The following LRPPRC variants were observed in gnomAD, a reference collection of about 807,000 sequenced individuals.
LRPPRC encodes leucine rich pentatricopeptide repeat containing, also known as leucine-rich PPR motif-containing protein, mitochondrial.
Under a neutral mutation model 180.3 loss-of-function variants are expected in LRPPRC, and 120 were observed. The ratio of observed to expected loss-of-function variants is 0.67; its 90% CI spans 0.57 to 0.77. The LOEUF (loss-of-function observed/expected upper bound fraction) is 0.77, where lower values mean the gene tolerates loss of function less well. Among genes scored for constraint, LRPPRC ranks in the 30% least tolerant of loss-of-function variants. The probability of loss-of-function intolerance (pLI) is 0.00; values close to 1 mark genes in which losing one functional copy is unlikely to be tolerated. For missense variants in LRPPRC, 2,012 were observed against 1,657.2 expected (o/e 1.21, Z -3.72); for synonymous variants, 723 against 600.0 (o/e 1.21, Z -3.00).
intron 3 of LRPPRC, among the ~76,000 whole-genome samples, chr2:43,978,587 A>G (rs916736277): frequency 1.3e-5 from 2 of 152,032 alleles, no homozygotes; most frequent in African/African-American, 2.4e-5. Context: ...TAGAGATTCA[A>G]TATTTTAGCT....
At chr2:43,955,603 G>T (rs577459576) in intron 14 of LRPPRC, among the ~76,000 whole-genome samples, 2 of 152,192 alleles carry the variant, frequency 1.3e-5, no homozygotes, top group South Asian at 2.1e-4. Flanking sequence ...AGCCAGCCAT[G>T]GTGGCATGCG....
In LRPPRC at chr2:43,973,663, C is replaced by T; in HGVS notation, c.1313G>A (p.Arg438Lys). ...KAVKEEGFPI[R>K]PHYFWPLLVG... ...TAGCAATGGCCAGAAATAGTGAGGTCTGATAGGAAAACCTTCCTCCTTCAC... is the reference window on the plus strand; with the variant it reads ...TAGCAATGGCCAGAAATAGTGAGGTTTGATAGGAAAACCTTCCTCCTTCAC... Residue 438 changes from arginine (R) to lysine (K), a missense_variant, in exon 11 of 38, where the codon AGA (arginine) becomes AAA (lysine). Arg to Lys is a conservative substitution (Grantham distance 26). Coordinates refer to ENST00000260665, the MANE Select transcript of LRPPRC (RefSeq NM_133259.4). The T allele has an allele frequency of 6.2e-7, 1 of 1,614,044 alleles. No homozygotes were observed. Among genetic ancestry groups the T allele is most frequent in the South Asian group, 1.1e-5 (1 of 91,074 alleles).
intron 1 of LRPPRC, among the ~76,000 whole-genome samples, chr2:43,988,791 C>A (rs1333550499): frequency 6.6e-6 from 1 of 152,098 alleles, no homozygotes; most frequent in Non-Finnish European, 1.5e-5. Flanking sequence ...GATCCGCCCG[C>A]CTGAGCCTCC....
At chr2:43,938,852 C>A (rs1241334097) in intron 23 of LRPPRC, among the ~76,000 whole-genome samples, 1 of 152,056 alleles carries the variant, frequency 6.6e-6, no homozygotes, top group Non-Finnish European at 1.5e-5. Context: ...AAATGTATTT[C>A]ATACAATCTG....
At chr2:43,972,560 T>TTATA (rs1441626593) in intron 11 of LRPPRC, among the ~76,000 whole-genome samples, 3 of 152,152 alleles carry the variant, frequency 2.0e-5, no homozygotes, top group Non-Finnish European at 4.4e-5. Context: ...AAACACTGGG[T>TTATA]TATAGGTTAC....
At chr2:43,890,709 A>G (rs1476161701) in intron 36 of LRPPRC, among the ~76,000 whole-genome samples, 1 of 152,216 alleles carries the variant, frequency 6.6e-6, no homozygotes, top group Non-Finnish European at 1.5e-5. Flanking sequence ...GCGAGACACC[A>G]TCTCAAAAAA....
intron 17 of LRPPRC, 36 bp from the exon 18 acceptor site, chr2:43,948,235 G>C: frequency 8.5e-7 from 1 of 1,180,250 alleles, no homozygotes. Flanking sequence ...AAAAACCTGA[G>C]TTTTAGACAA....
chr2:43,941,156 C>CTTTT (rs911559001), intron 23 of LRPPRC, among the ~76,000 whole-genome samples: 1 of 152,046 alleles, frequency 6.6e-6, no homozygotes, highest in Admixed American at 6.6e-5. Flanking sequence ...ACCCATAAAG[C>CTTTT]TTTTTTACAT....
chr2:43,908,778 C>G (rs1366168358), intron 30 of LRPPRC, among the ~76,000 whole-genome samples: 1 of 152,202 alleles, frequency 6.6e-6, no homozygotes, highest in Non-Finnish European at 1.5e-5. Flanking sequence ...CCACCTGCCT[C>G]TGTCTCCCAA....
At chr2:43,898,727 A>C (rs1174604789) in intron 34 of LRPPRC, among the ~76,000 whole-genome samples, 1 of 152,192 alleles carries the variant, frequency 6.6e-6, no homozygotes, top group Admixed American at 6.5e-5. Flanking sequence ...TTCAACTCTT[A>C]ATAAACCTTG....
At chr2:43,973,079 C>A (rs991522954) in intron 11 of LRPPRC, among the ~76,000 whole-genome samples, 1 of 152,124 alleles carries the variant, frequency 6.6e-6, no homozygotes, top group Non-Finnish European at 1.5e-5. Context: ...ACTTAAGAAC[C>A]TGAAAGATTG....
intron 13 of LRPPRC, chr2:43,959,018 C>A: frequency 2.0e-6 from 1 of 495,566 alleles, no homozygotes; most frequent in Middle Eastern, 2.8e-4. Flanking sequence ...AAAAAGATGA[C>A]CAGAAACATC....
intron 1 of LRPPRC, among the ~76,000 whole-genome samples, chr2:43,995,260 A>C (rs1220798145): frequency 6.6e-6 from 1 of 152,202 alleles, no homozygotes; most frequent in Admixed American, 6.5e-5. Context: ...AACTCCATTC[A>C]AGAGAACGCA....
At chr2:43,963,955 A>G (rs1673457161) in intron 11 of LRPPRC, among the ~76,000 whole-genome samples, 1 of 152,200 alleles carries the variant, frequency 6.6e-6, no homozygotes, top group Non-Finnish European at 1.5e-5. Flanking sequence ...GTATAAAGAA[A>G]CTTGAAACAA....
At chr2:43,904,686 C>T (rs1671002743) in intron 31 of LRPPRC, 1 of 131,978 alleles carries the variant, frequency 7.6e-6, no homozygotes, top group East Asian at 2.3e-4. Context: ...GAATGAGACC[C>T]TATCTCAAAA....
At chr2:43,942,429 T>G (rs1672516334) in intron 23 of LRPPRC, among the ~76,000 whole-genome samples, 1 of 152,134 alleles carries the variant, frequency 6.6e-6, no homozygotes, top group East Asian at 1.9e-4. Flanking sequence ...CAGTCATTAT[T>G]TGAATCACTA....
At chr2:43,926,742 C>T (rs1031381912) in intron 25 of LRPPRC, among the ~76,000 whole-genome samples, 1 of 152,150 alleles carries the variant, frequency 6.6e-6, no homozygotes, top group Non-Finnish European at 1.5e-5. Context: ...ACTCAGGAGA[C>T]AAAAATTATC....
intron 25 of LRPPRC, among the ~76,000 whole-genome samples, chr2:43,932,484 C>T (rs553680747): frequency 5.3e-5 from 8 of 152,116 alleles, no homozygotes; most frequent in Non-Finnish European, 1.2e-4. Flanking sequence ...ACACCTACTA[C>T]GAAAATTCTG....
chr2:43,974,836 A>T lies in LRPPRC; in HGVS notation c.865-78T>A, dbSNP rs1673979460. On this transcript the variant is annotated intron_variant, in intron 7 of 37. Coordinates refer to ENST00000260665, the MANE Select transcript of LRPPRC (RefSeq NM_133259.4). ...TATTAAAGCTAAATAAAATATCCAG[A>T]TTCAAAAAACTAGGGAAAAATACCA... 3 of 1,452,026 alleles carry T rather than the reference A, an allele frequency of 2.1e-6. No individual in the cohort carries two copies. In the African/African-American group the frequency reaches 4.2e-5, roughly 20 times the overall value. 89.9% of individuals were successfully genotyped at this position (1,452,026 alleles called of 1,614,324 possible).
Sources: allele counts gnomAD v4.1 joint callset (sites outside exome capture counted in the v4.1 genomes callset), GRCh38; gene constraint gnomAD v4.1.1; transcripts MANE v1.5; gene names NCBI Gene and HGNC (gene_info 2026-07-23, HGNC 2026-07-21).